The following CCN4 variants were observed in gnomAD, a reference collection of about 807,000 sequenced individuals.
CCN4 encodes the protein CCN family member 4.
In CCN4, 30 loss-of-function variants were observed where a neutral mutation model predicts 36.7. That is an observed-to-expected ratio of 0.82 (90% CI 0.61 to 1.11). The LOEUF (loss-of-function observed/expected upper bound fraction) is 1.11. Among genes scored for constraint, CCN4 ranks in the 50% least tolerant of loss-of-function variants. The pLI is 0.00. For synonymous variants in CCN4, 191 were observed against 195.4 expected (o/e 0.98, Z 0.19); for missense variants, 505 against 504.9 (o/e 1.00, Z 0.00).
At chr8:133,212,183 A>G (rs1193758503) in intron 1 of CCN4, among the ~76,000 whole-genome samples, 1 of 152,128 alleles carries the variant, frequency 6.6e-6, no homozygotes, top group African/African-American at 2.4e-5. Flanking sequence ...TTGCCCTGAC[A>G]GCAAAATAAA....
chr8:133,226,468 C>G (rs926645619), intron 4 of CCN4, among the ~76,000 whole-genome samples: 1 of 152,164 alleles, frequency 6.6e-6, no homozygotes. Context: ...TCCTTCTTCT[C>G]TTCTTTCTTC....
intron 1 of CCN4, among the ~76,000 whole-genome samples, chr8:133,204,513 C>T (rs1169811090): frequency 7.2e-5 from 11 of 152,226 alleles, no homozygotes; most frequent in South Asian, 2.1e-4. Flanking sequence ...CAAACTGCTA[C>T]GGATTCCAGG....
rs1352586300 is a variant in CCN4 at position 133,229,212 on chromosome 8, AG to A, written c.*1503del. ...GAGTCACCCAGTTGGTGACTGGGAA[AG>A]TTAGGATTCAGATCGAAATTGGACT... On this transcript the variant is annotated 3_prime_UTR_variant, in exon 5 of 5. Coordinates refer to ENST00000250160, the MANE Select transcript of CCN4 (RefSeq NM_003882.4). The A allele has an allele frequency of 6.6e-6, 1 of 152,182 alleles. No individual in the cohort carries two copies. The highest frequency in any genetic ancestry group is 2.4e-5 in the African/African-American group (1 of 41,456). 9.4% of individuals were successfully genotyped at this position (152,182 alleles called of 1,614,324 possible). A position where few individuals can be genotyped will look rare whatever the true frequency, so the allele number is the denominator to read the frequency against.
chr8:133,209,988 T>G (rs1050877540), intron 1 of CCN4, among the ~76,000 whole-genome samples: 1 of 152,178 alleles, frequency 6.6e-6, no homozygotes, highest in Non-Finnish European at 1.5e-5. Context: ...TCAGGTTGCA[T>G]GTTCTTTTCT....
intron 2 of CCN4, among the ~76,000 whole-genome samples, chr8:133,217,289 G>T (rs959112817): frequency 6.6e-6 from 1 of 152,328 alleles, no homozygotes; most frequent in East Asian, 1.9e-4. Flanking sequence ...GCTACAACAA[G>T]GCATGGCCCA....
At position 133,224,224 on chromosome 8, in the gene CCN4, A is replaced by T. The variant is rs1564267167; in HGVS notation, c.611-1166A>T. Among the ~76,000 whole-genome samples the T allele has an allele frequency of 9.7e-4, 67 of 68,844 alleles. 25 individuals carry two copies. The highest frequency in any genetic ancestry group is 2.1e-3 in the South Asian group (4 of 1,868). 45.2% of individuals were successfully genotyped at this position (68,844 alleles called of 152,430 possible). A position where few individuals can be genotyped will look rare whatever the true frequency, so the allele number is the denominator to read the frequency against. ...CTGGTGATTTGAATTTGAAGCCCGT[A>T]AGTCCTTTTTTTTTTTTTTTTTTTT... On this transcript the variant is annotated intron_variant, in intron 3 of 4. Coordinates refer to ENST00000250160, the MANE Select transcript of CCN4 (RefSeq NM_003882.4).
intron 1 of CCN4, among the ~76,000 whole-genome samples, chr8:133,200,446 C>T (rs193168670): frequency 2.0e-5 from 3 of 152,308 alleles, no homozygotes; most frequent in African/African-American, 4.8e-5. Flanking sequence ...TTCTTCCACC[C>T]GTGTCTGTGT....
At chr8:133,217,277 G>C (rs1854351819) in intron 2 of CCN4, among the ~76,000 whole-genome samples, 1 of 152,186 alleles carries the variant, frequency 6.6e-6, no homozygotes, top group African/African-American at 2.4e-5. Context: ...AAAACAAACA[G>C]AGCTACAACA....
intron 3 of CCN4, 118 bp from the exon 4 acceptor site, chr8:133,225,272 A>C: frequency 1.8e-6 from 2 of 1,093,912 alleles, no homozygotes; most frequent in Non-Finnish European, 1.3e-6. Flanking sequence ...GTGGGGAGGT[A>C]CAGCCAATTT....
At chr8:133,201,933 T>C (rs1030565532) in intron 1 of CCN4, among the ~76,000 whole-genome samples, 1 of 152,198 alleles carries the variant, frequency 6.6e-6, no homozygotes. Flanking sequence ...TTGATAATTA[T>C]CAAAGCTGCC....
At chr8:133,210,512 T>C (rs1430028304) in intron 1 of CCN4, among the ~76,000 whole-genome samples, 1 of 152,050 alleles carries the variant, frequency 6.6e-6, no homozygotes, top group Non-Finnish European at 1.5e-5. Flanking sequence ...GCCTCCTCGG[T>C]GAACCACCCA....
chr8:133,223,183 C>A (rs745367748), intron 3 of CCN4, among the ~76,000 whole-genome samples: 70 of 152,274 alleles, frequency 4.6e-4, no homozygotes, highest in Admixed American at 4.6e-3. Context: ...CCACCACCAC[C>A]TCCCCAGGAG....
chr8:133,222,995 A>G (rs547961407), intron 3 of CCN4, among the ~76,000 whole-genome samples: 252 of 152,102 alleles, frequency 1.7e-3, no homozygotes, highest in Non-Finnish European at 2.8e-3. Flanking sequence ...GCCTCTACCC[A>G]CTAGATGCCA....
At chr8:133,194,879 TTG>T (rs973342481) in intron 1 of CCN4, among the ~76,000 whole-genome samples, 1 of 128,326 alleles carries the variant, frequency 7.8e-6, no homozygotes, top group African/African-American at 3.0e-5. Flanking sequence ...TGGTGTGTTT[TTG>T]TGTGTGTATG....
In CCN4 at chr8:133,225,308, C is replaced by T. The variant is rs577865222; in HGVS notation, c.611-82C>T. 1.3e-5 allele frequency: 18 copies of T among 1,419,140 alleles called. No individual in the cohort carries two copies. The East Asian group carries it at 2.1e-4, about 17-fold the overall frequency. The allele number at this position is 1,419,140 out of a possible 1,614,324, so 87.9% of individuals were successfully genotyped here. On this transcript the variant is annotated intron_variant, in intron 3 of 4. Transcript: ENST00000250160. ...CTGTGTTCCTCTGAGTTCTGGGGAC[C>T]GCAGACCTTAGTGTGGTGAAAGTGA...
intron 1 of CCN4, among the ~76,000 whole-genome samples, chr8:133,201,949 G>A (rs924308943): frequency 2.6e-5 from 4 of 152,170 alleles, no homozygotes; most frequent in African/African-American, 9.7e-5. Flanking sequence ...CTGCCGATGC[G>A]TATGTAGGGT....
In CCN4 at chr8:133,213,871, C is replaced by CTATA. The variant is rs776615309; in HGVS notation, c.349+729_349+732dup. Among the ~76,000 whole-genome samples, 488 of 105,530 alleles carry CTATA rather than the reference C, an allele frequency of 4.6e-3. 8 individuals carry two copies. Among genetic ancestry groups the CTATA allele is most frequent in the African/African-American group, 7.4e-3 (212 of 28,670 alleles). The allele number at this position is 105,530 out of a possible 152,430, so 69.2% of individuals were successfully genotyped here. A position where few individuals can be genotyped will look rare whatever the true frequency, so the allele number is the denominator to read the frequency against. ...ACACTATATATAGTAGTTAAATATA[C>CTATA]TATACACTATATATAGTAGTTAAAT... On this transcript the variant is annotated intron_variant, in intron 2 of 4. Coordinates refer to ENST00000250160, the MANE Select transcript of CCN4 (RefSeq NM_003882.4).
In CCN4 at chr8:133,195,313, G is replaced by A. The variant is rs894019919; in HGVS notation, c.69+4100G>A. Among the ~76,000 whole-genome samples the A allele has an allele frequency of 7.9e-5, 12 of 151,028 alleles. No homozygotes were observed. The East Asian group carries it at 1.4e-3, about 17-fold the overall frequency. On this transcript the variant is annotated intron_variant, in intron 1 of 4. Coordinates refer to ENST00000250160, the MANE Select transcript of CCN4 (RefSeq NM_003882.4). Reference sequence around the variant, plus strand: ...TTGAGTGTGTATGTGTTGTGTTTGCGTGTGTGGTGTGTGTGTGTGTGAACC... The same window carrying A: ...TTGAGTGTGTATGTGTTGTGTTTGCATGTGTGGTGTGTGTGTGTGTGAACC...
At chr8:133,201,616 T>C (rs371614764) in intron 1 of CCN4, among the ~76,000 whole-genome samples, 10 of 152,014 alleles carry the variant, frequency 6.6e-5, no homozygotes, top group African/African-American at 2.2e-4. Flanking sequence ...CTGAAGTGGG[T>C]GGATCACTTG....
Sources: allele counts gnomAD v4.1 joint callset (sites outside exome capture counted in the v4.1 genomes callset), GRCh38; gene constraint gnomAD v4.1.1; transcripts MANE v1.5; gene names NCBI Gene and HGNC (gene_info 2026-07-23, HGNC 2026-07-21).